BEND6: variants seen among roughly 807,000 people sequenced by gnomAD.
BEND6 encodes the protein BEN domain containing 6.
A neutral mutation model predicts 31.8 loss-of-function variants in BEND6; 24 were observed. That is an observed-to-expected ratio of 0.75 (90% confidence interval 0.55 to 1.06). The LOEUF is 1.06. BEND6 is among the 50% of genes least tolerant of loss of function. The pLI is 0.00. For synonymous variants in BEND6, 109 were observed against 114.6 expected (o/e 0.95, Z 0.31); for missense variants, 294 against 327.4 (o/e 0.90, Z 0.79).
At chr6:56,963,382 A>G (rs190440817) in intron 1 of BEND6, among the ~76,000 whole-genome samples, 26 of 152,346 alleles carry the variant, frequency 1.7e-4, no homozygotes, top group African/African-American at 6.0e-4. Flanking sequence ...CTACTAATCC[A>G]GCAATTTCAC....
intron 3 of BEND6, chr6:57,008,316 T>A (rs781630314): frequency 2.9e-6 from 2 of 694,286 alleles, no homozygotes; most frequent in African/African-American, 1.8e-5. Flanking sequence ...TTGCTCCAGG[T>A]TGGGCAGAAG....
At chr6:57,008,320 G>A in intron 3 of BEND6, 1 of 690,980 alleles carries the variant, frequency 1.4e-6, no homozygotes, top group Non-Finnish European at 2.6e-6. Context: ...TCCAGGTTGG[G>A]CAGAAGCCCA....
chr6:56,996,465 A>T (rs576151820), intron 3 of BEND6, among the ~76,000 whole-genome samples: 1 of 151,920 alleles, frequency 6.6e-6, no homozygotes, highest in East Asian at 1.9e-4. Context: ...AAACAAAAAC[A>T]AAAACAAAAA....
intron 1 of BEND6, among the ~76,000 whole-genome samples, chr6:56,973,270 T>G (rs897312692): frequency 6.6e-6 from 1 of 152,210 alleles, no homozygotes; most frequent in Non-Finnish European, 1.5e-5. Context: ...CCGTGTCAGT[T>G]AAACCTGGTG....
intron 1 of BEND6, among the ~76,000 whole-genome samples, chr6:56,963,835 A>AATTTATTACTATTAATAAATTAAT (rs1825369738): frequency 1.8e-5 from 2 of 112,932 alleles, no homozygotes; most frequent in African/African-American, 2.9e-5. Context: ...AAATTAATAT[A>AATTTATTACTATTAATAAATTAAT]ATATAACTAA....
chr6:56,995,429 A>G (rs1485267640), intron 3 of BEND6, among the ~76,000 whole-genome samples: 2 of 152,104 alleles, frequency 1.3e-5, no homozygotes, highest in Non-Finnish European at 2.9e-5. Flanking sequence ...AGTCATCTCC[A>G]TGTATTAGCT....
intron 3 of BEND6, among the ~76,000 whole-genome samples, chr6:57,011,870 A>G (rs571212449): frequency 6.6e-6 from 1 of 152,246 alleles, no homozygotes; most frequent in Admixed American, 6.5e-5. Context: ...TCACGCCTGT[A>G]ATCCCAGCAA....
intron 3 of BEND6, among the ~76,000 whole-genome samples, chr6:57,013,137 A>G (rs1827402868): frequency 6.6e-6 from 1 of 152,184 alleles, no homozygotes; most frequent in Non-Finnish European, 1.5e-5. Context: ...CAAACTGCAA[A>G]GTTAAGGGCA....
At chr6:56,983,843 A>G (rs767578948) in intron 2 of BEND6, among the ~76,000 whole-genome samples, 1 of 152,118 alleles carries the variant, frequency 6.6e-6, no homozygotes, top group African/African-American at 2.4e-5. Context: ...TCCTTTCCTC[A>G]GTGATGAATA....
rs943959318 is a variant in BEND6, at chr6:56,990,249, C to CTT, written c.121-2110_121-2109dup. On this transcript the variant is annotated intron_variant, in intron 2 of 6. Coordinates refer to ENST00000370746, the MANE Select transcript of BEND6 (RefSeq NM_152731.3). Reference sequence around the variant, plus strand: ...TGCATCTATTTTGGGCCACTCGCTTCTTTTTTTTTTTTTTTTTTTTGGACA... The same window carrying CTT: ...TGCATCTATTTTGGGCCACTCGCTTCTTTTTTTTTTTTTTTTTTTTTTGGACA... 1.4e-3 allele frequency among the ~76,000 whole-genome samples: 158 copies of CTT among 110,160 alleles called. 2 individuals carry two copies. Among genetic ancestry groups the CTT allele is most frequent in the East Asian group, 1.7e-3 (6 of 3,522 alleles). The allele number at this position is 110,160 out of a possible 152,430, so 72.3% of individuals were successfully genotyped here.
chr6:57,018,657 T>A (rs1827645005), intron 6 of BEND6, 100 bp downstream of exon 6: 6 of 1,189,070 alleles, frequency 5.0e-6, no homozygotes, highest in Non-Finnish European at 6.5e-6. Flanking sequence ...TACTAGAAAA[T>A]ACTAGTGACC....
At chr6:56,961,532 T>A (rs9382671) in intron 1 of BEND6, among the ~76,000 whole-genome samples, 37,950 of 152,062 alleles carry the variant, frequency 0.25, 5,958 homozygotes, top group East Asian at 0.46. Context: ...AAAGAAGGGA[T>A]AAATTGATTC....
chr6:57,007,292 T>TA (rs36090187), intron 3 of BEND6, among the ~76,000 whole-genome samples: 336 of 140,122 alleles, frequency 2.4e-3, no homozygotes, highest in Non-Finnish European at 3.6e-3. Flanking sequence ...TGTCTCAAAT[T>TA]AAAAAAAAAA....
chr6:56,987,385 G>A (rs547542256), intron 2 of BEND6, among the ~76,000 whole-genome samples: 7 of 152,166 alleles, frequency 4.6e-5, no homozygotes, highest in Non-Finnish European at 8.8e-5. Flanking sequence ...GGGAAATCTG[G>A]ATGTTGTCTC....
chr6:57,022,019 T>G (rs1037291246), intron 6 of BEND6, among the ~76,000 whole-genome samples: 6 of 152,168 alleles, frequency 3.9e-5, no homozygotes, highest in Non-Finnish European at 7.3e-5. Context: ...TGTTGAAGAT[T>G]TTTGTATCTG....
At chr6:56,988,894 G>A (rs867887192) in intron 2 of BEND6, among the ~76,000 whole-genome samples, 4 of 152,186 alleles carry the variant, frequency 2.6e-5, no homozygotes, top group South Asian at 4.2e-4. Flanking sequence ...AGCTGGGCAT[G>A]CTGGCGCGTG....
intron 1 of BEND6, among the ~76,000 whole-genome samples, chr6:56,955,831 G>A (rs1824808547): frequency 6.6e-6 from 1 of 152,150 alleles, no homozygotes; most frequent in Non-Finnish European, 1.5e-5. Context: ...GGAGTGTGAG[G>A]CAATAGTGAT....
chr6:57,003,236 C>T (rs911472288), intron 3 of BEND6, among the ~76,000 whole-genome samples: 2 of 152,184 alleles, frequency 1.3e-5, no homozygotes, highest in Non-Finnish European at 2.9e-5. Context: ...CACAGTGGCT[C>T]ATGCCTGTAA....
intron 3 of BEND6, among the ~76,000 whole-genome samples, chr6:57,001,126 C>T (rs1826924434): frequency 6.6e-6 from 1 of 150,492 alleles, no homozygotes; most frequent in South Asian, 2.1e-4. Context: ...AGTCACCAGA[C>T]CCTCCAGGGT....
Sources: allele counts gnomAD v4.1 joint callset (sites outside exome capture counted in the v4.1 genomes callset), GRCh38; gene constraint gnomAD v4.1.1; transcripts MANE v1.5; gene names NCBI Gene and HGNC (gene_info 2026-07-23, HGNC 2026-07-21).